Variants in JPH1 observed in about 807,000 individuals in gnomAD.
The protein encoded by JPH1 is junctophilin 1, also known as junctophilin-1.
In JPH1, 12 loss-of-function variants were observed where a neutral mutation model predicts 53.6. The observed-to-expected ratio is 0.22, with a 90% CI of 0.14 to 0.36. The LOEUF (loss-of-function observed/expected upper bound fraction) is 0.36. Among genes scored for constraint, JPH1 ranks in the 10% least tolerant of loss-of-function variants. JPH1 has a pLI of 1.00. For missense variants in JPH1, 808 were observed against 905.5 expected, an observed-to-expected ratio of 0.89 and a Z score of 1.38; for synonymous variants, 375 against 363.8, an observed-to-expected ratio of 1.03 and a Z score of -0.35.
chr8:74,317,198 C>T (rs532319420), intron 1 of JPH1, among the ~76,000 whole-genome samples: 8 of 152,314 alleles, frequency 5.3e-5, no homozygotes, highest in Non-Finnish European at 1.2e-4. Context: ...ATAATGACTC[C>T]CAAGTCAACG....
At chr8:74,309,384 A>C (rs1472699487) in intron 2 of JPH1, among the ~76,000 whole-genome samples, 1 of 152,194 alleles carries the variant, frequency 6.6e-6, no homozygotes, top group Non-Finnish European at 1.5e-5. Flanking sequence ...TGTGGTTCTC[A>C]GTCGCGTGAG....
rs577301393 is a variant in JPH1, at chr8:74,287,342, C to T, written c.1139+27519G>A. Among the ~76,000 whole-genome samples the T allele has an allele frequency of 3.3e-5, 5 of 151,760 alleles. No individual in the cohort carries two copies. In the South Asian group the frequency reaches 6.3e-4, roughly 19 times the overall value. On this transcript the variant is annotated intron_variant, in intron 2 of 5. Transcript: ENST00000342232. ...ACTTGGGAGGCGGAGACACGAGAAT[C>T]GCGTGAACCTGGGAGGCAGAGGTTG...
intron 2 of JPH1, among the ~76,000 whole-genome samples, chr8:74,293,136 GCTA>G (rs1203062923): frequency 4.6e-5 from 7 of 152,138 alleles, no homozygotes; most frequent in Non-Finnish European, 8.8e-5. Flanking sequence ...AACCTGTACA[GCTA>G]TCTTTCTCAG....
In JPH1 at chr8:74,321,055, C is replaced by T. The variant is rs1808307997; in HGVS notation, c.233G>A (p.Gly78Asp). ...CCACTCCCCCCGGTACATCCACTTG[C>T]CCTTCGTCTCCACCCCCAGCCCGTG... ...KRHGLGVETK[G>D]KWMYRGEWSH... Residue 78 changes from glycine (G) to aspartate (D), a missense_variant, in exon 1 of 6, where the codon GGC becomes GAC. Transcript: ENST00000342232. This position sits in a 1 kb window ranked among gnomAD's most constrained non-coding sequence, Gnocchi z 4.3. 1 of 1,613,452 alleles carries T rather than the reference C, an allele frequency of 6.2e-7. No individual in the cohort carries two copies. The highest frequency in any genetic ancestry group is 1.1e-5 in the South Asian group (1 of 91,002).
At chr8:74,260,118 A>C (rs1212160348) in intron 2 of JPH1, among the ~76,000 whole-genome samples, 1 of 152,248 alleles carries the variant, frequency 6.6e-6, no homozygotes, top group Admixed American at 6.5e-5. Flanking sequence ...GCAAACCACA[A>C]GGCCCGCTCT....
intron 2 of JPH1, among the ~76,000 whole-genome samples, chr8:74,275,645 G>C (rs916976248): frequency 1.2e-4 from 18 of 152,190 alleles, no homozygotes; most frequent in Admixed American, 1.0e-3. Context: ...AACTGCACTT[G>C]GCAAGAGGTT....
At chr8:74,240,583 C>T (rs1231866730) in intron 4 of JPH1, among the ~76,000 whole-genome samples, 1 of 152,206 alleles carries the variant, frequency 6.6e-6, no homozygotes, top group Non-Finnish European at 1.5e-5. Context: ...GATGTTCCAC[C>T]TGTACTACTA....
intron 2 of JPH1, among the ~76,000 whole-genome samples, chr8:74,297,091 A>AC (rs1807543319): frequency 6.6e-6 from 1 of 152,190 alleles, no homozygotes; most frequent in Non-Finnish European, 1.5e-5. Context: ...AGTAAAAAAA[A>AC]CTGCTGGTGG....
intron 2 of JPH1, among the ~76,000 whole-genome samples, chr8:74,313,131 A>T (rs1215866269): frequency 6.6e-6 from 1 of 152,098 alleles, no homozygotes; most frequent in Non-Finnish European, 1.5e-5. Context: ...TTCATTTTTC[A>T]CCTCCCAAGA....
At chr8:74,277,881 A>G (rs1453832721) in intron 2 of JPH1, among the ~76,000 whole-genome samples, 1 of 152,218 alleles carries the variant, frequency 6.6e-6, no homozygotes, top group Non-Finnish European at 1.5e-5. Flanking sequence ...GATATATTAA[A>G]AAAAACAGGA....
intron 2 of JPH1, among the ~76,000 whole-genome samples, chr8:74,297,558 T>C (rs929318421): frequency 1.3e-5 from 2 of 150,682 alleles, no homozygotes; most frequent in Non-Finnish European, 2.9e-5. Context: ...TGCCTAGTAA[T>C]GTCCTCCCAG....
chr8:74,290,858 C>T (rs1225732626), intron 2 of JPH1, among the ~76,000 whole-genome samples: 1 of 152,100 alleles, frequency 6.6e-6, no homozygotes, highest in African/African-American at 2.4e-5. Flanking sequence ...TTTGACAAAC[C>T]TGACAAAAAC....
chr8:74,254,279 C>A (rs1029870070), intron 3 of JPH1, among the ~76,000 whole-genome samples: 13 of 151,870 alleles, frequency 8.6e-5, no homozygotes, highest in African/African-American at 3.2e-4. Flanking sequence ...ATAAACAGAA[C>A]CAAAGACAAA....
intron 3 of JPH1, among the ~76,000 whole-genome samples, chr8:74,250,958 AT>A (rs1190449673): frequency 6.6e-6 from 1 of 152,222 alleles, no homozygotes; most frequent in African/African-American, 2.4e-5. Context: ...GCAGAACTCC[AT>A]GGAAAGCTCA....
chr8:74,301,152 T>C (rs1409304906), intron 2 of JPH1, among the ~76,000 whole-genome samples: 2 of 152,182 alleles, frequency 1.3e-5, no homozygotes, highest in African/African-American at 4.8e-5. Context: ...CTTTTGTCTC[T>C]GCCACCCTGC....
intron 2 of JPH1, among the ~76,000 whole-genome samples, chr8:74,293,795 C>A (rs1465466565): frequency 6.6e-6 from 1 of 152,144 alleles, no homozygotes; most frequent in Non-Finnish European, 1.5e-5. Context: ...TTTATCAGAG[C>A]TGAAACTATG....
chr8:74,296,476 T>C (rs1022585777), intron 2 of JPH1, among the ~76,000 whole-genome samples: 1 of 152,222 alleles, frequency 6.6e-6, no homozygotes, highest in African/African-American at 2.4e-5. Context: ...TCAGTATTTA[T>C]TCAGGCTTCT....
chr8:74,284,095 T>C (rs1208482274), intron 2 of JPH1, among the ~76,000 whole-genome samples: 1 of 152,154 alleles, frequency 6.6e-6, no homozygotes, highest in African/African-American at 2.4e-5. Context: ...GCTGTGGTGG[T>C]TGGGGAAAAA....
At chr8:74,247,340 G>A (rs1390750645) in intron 3 of JPH1, among the ~76,000 whole-genome samples, 1 of 152,182 alleles carries the variant, frequency 6.6e-6, no homozygotes, top group African/African-American at 2.4e-5. Flanking sequence ...TCTAGGTATG[G>A]TAGTGGATGT....
Sources: allele counts gnomAD v4.1 joint callset (sites outside exome capture counted in the v4.1 genomes callset), GRCh38; gene constraint gnomAD v4.1.1; non-coding constraint Gnocchi (gnomAD v3.1); transcripts MANE v1.5; gene names NCBI Gene and HGNC (gene_info 2026-07-23, HGNC 2026-07-21).